Variants in ASB13 observed in about 807,000 individuals in gnomAD.
The protein encoded by ASB13 is ankyrin repeat and SOCS box containing 13.
ASB13 carries 33 observed loss-of-function variants against 28.8 expected under a neutral mutation model. The ratio of observed to expected loss-of-function variants is 1.15; its 90% CI spans 0.87 to 1.53. The LOEUF (loss-of-function observed/expected upper bound fraction) is 1.53, where lower values mean the gene tolerates loss of function less well. Among genes scored for constraint, ASB13 ranks in the 40% most tolerant of loss-of-function variants. The pLI is 0.00. For missense variants in ASB13, 414 were observed against 390.1 expected (o/e 1.06, Z -0.52); for synonymous variants, 182 against 172.9 (o/e 1.05, Z -0.41).
Position 5,651,384 on chromosome 10 carries a change from G to A in ASB13, c.232-21C>T. 1 of 1,575,184 alleles carries A rather than the reference G, an allele frequency of 6.3e-7. No individual in the cohort carries two copies. The highest frequency in any genetic ancestry group is 1.3e-5 in the African/African-American group (1 of 74,338). Reference sequence around the variant, plus strand: ...TCCACCTCACGGGAGGAAGAAACAAGTGTCAAAGGGCAGAGAAATGCCACG... The same window carrying A: ...TCCACCTCACGGGAGGAAGAAACAAATGTCAAAGGGCAGAGAAATGCCACG... On this transcript the variant is annotated intron_variant, in intron 2 of 5. Transcript: ENST00000357700. This position sits in a 1 kb window ranked among gnomAD's most constrained non-coding sequence, Gnocchi z 5.1.
rs1196336834 is a variant in ASB13 at position 5,645,492 on chromosome 10, A to G, written c.517+3478T>C. On this transcript the variant is annotated intron_variant, in intron 4 of 5. Coordinates refer to ENST00000357700, the MANE Select transcript of ASB13 (RefSeq NM_024701.4). The surrounding 1 kb of genome is among the most constrained non-coding windows in gnomAD (Gnocchi z 5.4). ...CCAGCCCTCCTCCTTTGCAAATACA[A>G]TCTGGTTCCTGGACTCGCCTCACTG... 6.6e-6 allele frequency among the ~76,000 whole-genome samples: 1 copy of G among 152,022 alleles called. No individual in the cohort carries two copies. Among genetic ancestry groups the G allele is most frequent in the Non-Finnish European group, 1.5e-5 (1 of 68,006 alleles).
chr10:5,640,550 A>G lies in ASB13; in HGVS notation c.*153T>C. The stretch of plus-strand genomic sequence containing the variant: ...ACCCTGGAAACATTATCCAGGATCC[A>G]GGAGAGAAGCCTAAACAGGATCGCA... On this transcript the variant is annotated 3_prime_UTR_variant, in exon 6 of 6. Coordinates refer to ENST00000357700, the MANE Select transcript of ASB13 (RefSeq NM_024701.4). The G allele has an allele frequency of 1.0e-6, 1 of 974,328 alleles. No individual in the cohort carries two copies. The highest frequency in any genetic ancestry group is 2.6e-5 in the East Asian group (1 of 37,774). 60.4% of individuals were successfully genotyped at this position (974,328 alleles called of 1,614,324 possible). A position where few individuals can be genotyped will look rare whatever the true frequency, so the allele number is the denominator to read the frequency against.
Position 5,649,244 on chromosome 10 carries a change from G to C in ASB13, c.383-140C>G. ...AGGCAGGCCTGCGTCCCAACCTAGGGAGGAGTTCATGACCCGCATGGCCCT... is the reference window on the plus strand; with the variant it reads ...AGGCAGGCCTGCGTCCCAACCTAGGCAGGAGTTCATGACCCGCATGGCCCT... On this transcript the variant is annotated intron_variant, in intron 3 of 5. Transcript: ENST00000357700. This position sits in a 1 kb window ranked among gnomAD's most constrained non-coding sequence, Gnocchi z 6.4. 8.3e-7 allele frequency: 1 copy of C among 1,210,200 alleles called. No individual in the cohort carries two copies. Among genetic ancestry groups the C allele is most frequent in the Non-Finnish European group, 1.2e-6 (1 of 858,982 alleles). The allele number at this position is 1,210,200 out of a possible 1,614,324, so 75.0% of individuals were successfully genotyped here. A position where few individuals can be genotyped will look rare whatever the true frequency, so the allele number is the denominator to read the frequency against.
At chr10:5,665,800 T>A (rs866175660) in intron 1 of ASB13, among the ~76,000 whole-genome samples, 1 of 151,658 alleles carries the variant, frequency 6.6e-6, no homozygotes, top group African/African-American at 2.4e-5. Flanking sequence ...TGCTTTAGAT[T>A]TTTTTTTTCT....
At chr10:5,648,665 G>A (rs558037589) in intron 4 of ASB13, among the ~76,000 whole-genome samples, 2 of 150,610 alleles carry the variant, frequency 1.3e-5, no homozygotes, top group Non-Finnish European at 3.0e-5. Context: ...CACCCACTCG[G>A]GCAAACACCC....
rs1471354874 is a variant in ASB13 at position 5,659,022 on chromosome 10, G to A, written c.44-5972C>T. ...CTGCAATGGCAGGGTCAGTGTCCCA[G>A]GTGAAAAGAATCGGGAAGGACAGCT... On this transcript the variant is annotated intron_variant, in intron 1 of 5. Transcript: ENST00000357700. This position sits in a 1 kb window ranked among gnomAD's most constrained non-coding sequence, Gnocchi z 5.8. Among the ~76,000 whole-genome samples the A allele has an allele frequency of 1.3e-5, 2 of 152,196 alleles. No homozygotes were observed. Among genetic ancestry groups the A allele is most frequent in the African/African-American group, 4.8e-5 (2 of 41,444 alleles).
rs7896492 is a variant in ASB13 at position 5,640,678 on chromosome 10, C to T, written c.*25G>A. 1,608,127 of 1,613,822 alleles carry T rather than the reference C, an allele frequency of 1. 801,380 individuals are homozygous for T. Among genetic ancestry groups the T allele is most frequent in the East Asian group, 1 (44,867 of 44,868 alleles). On this transcript the variant is annotated 3_prime_UTR_variant, in exon 6 of 6. Coordinates refer to ENST00000357700, the MANE Select transcript of ASB13 (RefSeq NM_024701.4). ...GCAATGCTGGGCACAACGGGGGCAGCCACGGTCCGGACCCCACCTGCAATT... is the reference window on the plus strand; with the variant it reads ...GCAATGCTGGGCACAACGGGGGCAGTCACGGTCCGGACCCCACCTGCAATT...
At position 5,642,691 on chromosome 10, in the gene ASB13, G is replaced by T; in HGVS notation, c.518-730C>A. On this transcript the variant is annotated intron_variant, in intron 4 of 5. Transcript: ENST00000357700. This position sits in a 1 kb window ranked among gnomAD's most constrained non-coding sequence, Gnocchi z 4.1. The stretch of plus-strand genomic sequence containing the variant: ...AGACAGAGTCTCACTCTGTTGCCCA[G>T]GCTGGAGTGCAGTGACATGATCTCG... 1 of 326,954 alleles carries T rather than the reference G, an allele frequency of 3.1e-6. No individual in the cohort carries two copies. The highest frequency in any genetic ancestry group is 5.7e-6 in the Non-Finnish European group (1 of 175,944). 20.3% of individuals were successfully genotyped at this position (326,954 alleles called of 1,614,324 possible).
chr10:5,651,489 T>C lies in ASB13; in HGVS notation c.232-126A>G, dbSNP rs1834984363. On this transcript the variant is annotated intron_variant, in intron 2 of 5. Transcript: ENST00000357700. This position sits in a 1 kb window ranked among gnomAD's most constrained non-coding sequence, Gnocchi z 5.1. ...AGCACCGGTTTGCTTTGCTATTATG[T>C]GCTAGGCAACGACACTGAAAGAGAT... 4.5e-6 allele frequency: 5 copies of C among 1,119,430 alleles called. No individual in the cohort carries two copies. The Admixed American group carries it at 8.3e-5, about 19-fold the overall frequency. 69.3% of individuals were successfully genotyped at this position (1,119,430 alleles called of 1,614,324 possible). A position where few individuals can be genotyped will look rare whatever the true frequency, so the allele number is the denominator to read the frequency against.
intron 4 of ASB13, among the ~76,000 whole-genome samples, chr10:5,648,052 C>G: frequency 9.0e-6 from 1 of 110,784 alleles, no homozygotes; most frequent in East Asian, 2.6e-4. Flanking sequence ...GGCAAACACC[C>G]ACTCAGGTAA....
chr10:5,648,975 T>C lies in ASB13; in HGVS notation c.512A>G (p.Asn171Ser), dbSNP rs143378507. 4.9e-4 allele frequency: 797 copies of C among 1,613,744 alleles called. 12 individuals are homozygous for C. In the Admixed American group the frequency reaches 0.011, roughly 22 times the overall value. ...TCGGGCAAACACCCACTCACCTGCA[T>C]TGAGCAGCACTTTGACACAGTCCAG... is the stretch of plus-strand genomic sequence containing the variant. The part of the protein sequence containing the change: ...EHLDCVKVLL[N>S]AGANVNAAKL... The change falls in exon 4 of 6, where the codon AAT (asparagine) becomes AGT (serine). Residue 171 changes from asparagine (N) to serine (S), a missense_variant. By Grantham distance (46) the Asn-to-Ser change is conservative. Coordinates refer to ENST00000357700, the MANE Select transcript of ASB13 (RefSeq NM_024701.4).
chr10:5,666,533 C>A lies in ASB13; in HGVS notation c.19G>T (p.Asp7Tyr), dbSNP rs1835264204. The A allele has an allele frequency of 8.0e-7, 1 of 1,257,134 alleles. No homozygotes were observed. The highest frequency in any genetic ancestry group is 2.5e-5 in the South Asian group (1 of 39,840). The allele number at this position is 1,257,134 out of a possible 1,614,324, so 77.9% of individuals were successfully genotyped here. Residue 7 changes from aspartate to tyrosine, a missense_variant, in exon 1 of 6, where the codon GAC becomes TAC. Physicochemically the swap from Asp to Tyr is radical, Grantham distance 160. Coordinates refer to ENST00000357700, the MANE Select transcript of ASB13 (RefSeq NM_024701.4). MEPRAA[D>Y]GCFLGDVGFW... Reference sequence around the variant, plus strand: ...CCCACGTCGCCCAGGAAGCAGCCGTCCGCCGCCCGGGGCTCCATGCGGCTC... The same window carrying A: ...CCCACGTCGCCCAGGAAGCAGCCGTACGCCGCCCGGGGCTCCATGCGGCTC...
chr10:5,643,135 G>A (rs908066607), intron 4 of ASB13, among the ~76,000 whole-genome samples: 4 of 152,102 alleles, frequency 2.6e-5, no homozygotes, highest in Admixed American at 6.5e-5. Flanking sequence ...CAAGCAAATC[G>A]CCCAGCATCA....
At chr10:5,653,775 G>A (rs1472474853) in intron 1 of ASB13, among the ~76,000 whole-genome samples, 2 of 152,060 alleles carry the variant, frequency 1.3e-5, no homozygotes, top group African/African-American at 2.4e-5. Context: ...TCCGCCTCCC[G>A]GGTTCAAGCG....
chr10:5,653,727 G>C (rs920967525), intron 1 of ASB13, among the ~76,000 whole-genome samples: 2 of 152,164 alleles, frequency 1.3e-5, no homozygotes, highest in African/African-American at 4.8e-5. Context: ...TGTCACCCAG[G>C]CTGGAGTGCA....
chr10:5,662,858 C>T (rs557252102), intron 1 of ASB13, among the ~76,000 whole-genome samples: 2 of 152,148 alleles, frequency 1.3e-5, no homozygotes, highest in East Asian at 1.9e-4. Flanking sequence ...GGGTGCCTAA[C>T]GCATGGCACT....
intron 4 of ASB13, among the ~76,000 whole-genome samples, chr10:5,647,149 G>A (rs72772142): frequency 0.23 from 35,098 of 152,136 alleles, 4,757 homozygotes; most frequent in Non-Finnish European, 0.31. Context: ...GTTAAGAGAA[G>A]GGGACTTGCT....
rs753927413 is a variant in ASB13 at position 5,659,057 on chromosome 10, G to A, written c.44-6007C>T. On this transcript the variant is annotated intron_variant, in intron 1 of 5. Transcript: ENST00000357700. This position sits in a 1 kb window ranked among gnomAD's most constrained non-coding sequence, Gnocchi z 5.8. ...ATCGGGAAGGACAGCTTATGGTCAC[G>A]GACCTTAAATGGATGAGGAGTGAGC... Among the ~76,000 whole-genome samples, 71 of 152,288 alleles carry A rather than the reference G, an allele frequency of 4.7e-4. No individual in the cohort carries two copies. The highest frequency in any genetic ancestry group is 1.5e-3 in the Admixed American group (23 of 15,300).
chr10:5,648,919 C>G lies in ASB13; in HGVS notation c.517+51G>C, dbSNP rs750843947. On this transcript the variant is annotated intron_variant, in intron 4 of 5. Transcript: ENST00000357700. ...ACACCCACGCAGGTAAACACCCGCT[C>G]GGGCAAACACCCACTCAGGTAAACA... is the stretch of plus-strand genomic sequence containing the variant. 3 of 1,601,516 alleles carry G rather than the reference C, an allele frequency of 1.9e-6. No homozygotes were observed. The African/African-American group carries it at 4.0e-5, about 21-fold the overall frequency.
Sources: gnomAD v4.1 joint callset for allele counts (sites outside exome capture counted in the v4.1 genomes callset) on GRCh38, gnomAD v4.1.1 for gene constraint, Gnocchi (gnomAD v3.1) non-coding constraint, MANE v1.5 for transcripts, NCBI Gene and HGNC (gene_info 2026-07-23, HGNC 2026-07-21) for gene names.